Variants in KLHL29 observed in about 807,000 individuals in gnomAD.
The protein encoded by KLHL29 is kelch like family member 29, also known as kelch-like protein 29.
Under a neutral mutation model 80.4 loss-of-function variants are expected in KLHL29, and 21 were observed. The observed-to-expected ratio is 0.26, with a 90% CI of 0.19 to 0.38. KLHL29 has a LOEUF of 0.38. Ranked by LOEUF, KLHL29 falls within the 10% of genes least tolerant of loss-of-function variation. The pLI, the probability that KLHL29 is intolerant of heterozygous loss-of-function variation, is 1.00. For missense variants in KLHL29, 867 were observed against 1,223.9 expected, an observed-to-expected ratio of 0.71 and a Z score of 4.35; for synonymous variants, 511 against 526.8, an observed-to-expected ratio of 0.97 and a Z score of 0.41.
chr2:23,393,208 A>T (rs1303277474), intron 1 of KLHL29, among the ~76,000 whole-genome samples: 2 of 152,234 alleles, frequency 1.3e-5, no homozygotes, highest in African/African-American at 2.4e-5. Context: ...CAGATAACAG[A>T]CATCAAAGCT....
At chr2:23,560,511 C>T (rs1257551766) in intron 2 of KLHL29, among the ~76,000 whole-genome samples, 2 of 152,064 alleles carry the variant, frequency 1.3e-5, no homozygotes, top group African/African-American at 2.4e-5. Flanking sequence ...CCTTGTGATC[C>T]GCCTGCCTTG....
intron 1 of KLHL29, among the ~76,000 whole-genome samples, chr2:23,413,831 C>T (rs1169378551): frequency 6.6e-6 from 1 of 152,188 alleles, no homozygotes; most frequent in East Asian, 1.9e-4. Context: ...GTAATGTGTC[C>T]CTTCTTCCCC....
intron 3 of KLHL29, among the ~76,000 whole-genome samples, chr2:23,581,879 T>C (rs1342029652): frequency 6.7e-6 from 1 of 150,326 alleles, no homozygotes; most frequent in African/African-American, 2.4e-5. Context: ...CATTGTGCCG[T>C]TTTTAAGTGC....
At chr2:23,473,125 C>A (rs1342051036) in intron 1 of KLHL29, among the ~76,000 whole-genome samples, 1 of 152,160 alleles carries the variant, frequency 6.6e-6, no homozygotes, top group Non-Finnish European at 1.5e-5. Context: ...CAGCTAGAGC[C>A]ATGACCTGCA....
At chr2:23,545,006 G>A (rs1462273773) in intron 2 of KLHL29, among the ~76,000 whole-genome samples, 1 of 152,192 alleles carries the variant, frequency 6.6e-6, no homozygotes, top group Non-Finnish European at 1.5e-5. Flanking sequence ...GCTGCTGGGT[G>A]GAGAATACTC....
At chr2:23,509,266 G>A (rs1665701061) in intron 2 of KLHL29, among the ~76,000 whole-genome samples, 1 of 152,156 alleles carries the variant, frequency 6.6e-6, no homozygotes, top group South Asian at 2.1e-4. Context: ...CATCTCTTAT[G>A]AGAAAGGCAA....
chr2:23,423,333 A>G (rs926211306), intron 1 of KLHL29, among the ~76,000 whole-genome samples: 1 of 152,096 alleles, frequency 6.6e-6, no homozygotes, highest in Non-Finnish European at 1.5e-5. Flanking sequence ...TGACCTCCCC[A>G]GGCCGTGCCT....
chr2:23,475,706 A>G (rs969224215), intron 2 of KLHL29, 39 bp downstream of exon 2: 1 of 166,972 alleles, frequency 6.0e-6, no homozygotes, highest in African/African-American at 2.4e-5. Context: ...TAAGAAAGGC[A>G]TCAGACCTGA....
chr2:23,622,124 A>G (rs767229896), intron 3 of KLHL29, among the ~76,000 whole-genome samples: 14 of 152,184 alleles, frequency 9.2e-5, no homozygotes, highest in Non-Finnish European at 1.9e-4. Context: ...CTCATTTTGT[A>G]GATGAGGAAA....
intron 3 of KLHL29, among the ~76,000 whole-genome samples, chr2:23,628,208 C>T (rs577795784): frequency 3.5e-4 from 53 of 152,286 alleles, no homozygotes; most frequent in Admixed American, 8.5e-4. Flanking sequence ...CCGCACCCAG[C>T]CCGAGCCCAG....
chr2:23,678,140 T>C (rs780814429), intron 5 of KLHL29, among the ~76,000 whole-genome samples: 9 of 152,150 alleles, frequency 5.9e-5, no homozygotes, highest in Non-Finnish European at 1.3e-4. Flanking sequence ...TGGTGAAAAA[T>C]ATGCAGAAGT....
chr2:23,392,232 T>C (rs1034584725), intron 1 of KLHL29, among the ~76,000 whole-genome samples: 3 of 152,354 alleles, frequency 2.0e-5, no homozygotes, highest in South Asian at 2.1e-4. Context: ...AAACTGTAGA[T>C]GCCAATCCTG....
chr2:23,685,355 G>A (rs1228356438), intron 6 of KLHL29: 1 of 152,302 alleles, frequency 6.6e-6, no homozygotes, highest in East Asian at 1.9e-4. Context: ...CAAGGGGCCA[G>A]CCCAGGGTAA....
intron 2 of KLHL29, among the ~76,000 whole-genome samples, chr2:23,530,276 C>A (rs1263578425): frequency 6.6e-6 from 1 of 152,172 alleles, no homozygotes; most frequent in Non-Finnish European, 1.5e-5. Flanking sequence ...AGCTCGTAAG[C>A]CCTTTCCATG....
intron 1 of KLHL29, among the ~76,000 whole-genome samples, chr2:23,418,988 T>C (rs1662697221): frequency 6.6e-6 from 1 of 152,120 alleles, no homozygotes. Context: ...ACAGGCTTTG[T>C]CTTTCTCCTA....
intron 3 of KLHL29, among the ~76,000 whole-genome samples, chr2:23,621,163 G>C (rs1669172381): frequency 6.6e-6 from 1 of 152,238 alleles, no homozygotes; most frequent in Non-Finnish European, 1.5e-5. Flanking sequence ...AGTCTATGGG[G>C]CCCAGTTCTC....
intron 1 of KLHL29, among the ~76,000 whole-genome samples, chr2:23,431,864 T>C (rs1364537858): frequency 4.4e-5 from 6 of 136,836 alleles, no homozygotes; most frequent in Admixed American, 8.3e-5. Flanking sequence ...ATTGCGCCAC[T>C]GTACTCCAGC....
intron 1 of KLHL29, among the ~76,000 whole-genome samples, chr2:23,443,569 G>T (rs1663592494): frequency 6.6e-6 from 1 of 152,074 alleles, no homozygotes. Flanking sequence ...TAGTACATTT[G>T]CCCAGTTATT....
chr2:23,423,430 T>C (rs1468328284), intron 1 of KLHL29, among the ~76,000 whole-genome samples: 1 of 152,260 alleles, frequency 6.6e-6, no homozygotes, highest in Non-Finnish European at 1.5e-5. Context: ...CCCTGCTTTG[T>C]CTGCATTTGC....
Sources: gnomAD v4.1 joint callset for allele counts (sites outside exome capture counted in the v4.1 genomes callset) on GRCh38, gnomAD v4.1.1 for gene constraint, MANE v1.5 for transcripts, NCBI Gene and HGNC (gene_info 2026-07-23, HGNC 2026-07-21) for gene names.